The following ANAPC11 variants were observed in gnomAD, a reference collection of about 807,000 sequenced individuals.
ANAPC11 encodes the protein anaphase-promoting complex subunit 11.
A neutral mutation model predicts 11.8 loss-of-function variants in ANAPC11; 5 were observed. The ratio of observed to expected loss-of-function variants is 0.42; its 90% CI spans 0.22 to 0.89. ANAPC11 has a LOEUF of 0.89. Among genes scored for constraint, ANAPC11 ranks in the 40% least tolerant of loss-of-function variants. ANAPC11 has a pLI of 0.28. For synonymous variants in ANAPC11, 45 were observed against 41.0 expected, an observed-to-expected ratio of 1.10 and a Z score of -0.38; for missense variants, 68 against 112.9, an observed-to-expected ratio of 0.60 and a Z score of 1.80.
chr17:81,893,864 T>G (rs952274431), intron 2 of ANAPC11, among the ~76,000 whole-genome samples: 2 of 150,972 alleles, frequency 1.3e-5, no homozygotes, highest in Non-Finnish European at 2.9e-5. Flanking sequence ...CCCAGAGTGC[T>G]GGGATCACAG....
chr17:81,891,268 C>A, upstream of ANAPC11: 1 of 1,099,698 alleles, frequency 9.1e-7, no homozygotes, highest in South Asian at 3.8e-5. Context: ...CGGCCCCGGC[C>A]CCAGCCCCGG....
intron 3 of ANAPC11, 85 bp downstream of exon 3, chr17:81,894,671 G>C: frequency 1.4e-6 from 1 of 712,642 alleles, no homozygotes; most frequent in Non-Finnish European, 2.2e-6. Flanking sequence ...ACTAGCCTCA[G>C]TAGCTCCTGT....
chr17:81,897,009 A>C (rs139217829), intron 3 of ANAPC11, among the ~76,000 whole-genome samples: 13 of 149,450 alleles, frequency 8.7e-5, no homozygotes, highest in African/African-American at 3.2e-4. Context: ...TTATTTATTT[A>C]TTTATTTTCG....
chr17:81,897,516 C>T (rs1470328045), intron 3 of ANAPC11, among the ~76,000 whole-genome samples: 1 of 151,988 alleles, frequency 6.6e-6, no homozygotes, highest in Non-Finnish European at 1.5e-5. Context: ...TTGCTGTCAC[C>T]CAGGCGGCAG....
At chr17:81,897,404 G>C (rs986405002) in intron 3 of ANAPC11, among the ~76,000 whole-genome samples, 2 of 152,138 alleles carry the variant, frequency 1.3e-5, no homozygotes, top group Admixed American at 6.6e-5. Context: ...AAAGTACCAG[G>C]ATTACAGGTG....
intron 3 of ANAPC11, chr17:81,899,144 T>C: frequency 7.8e-7 from 1 of 1,286,584 alleles, no homozygotes; most frequent in Non-Finnish European, 1.1e-6. Context: ...TGTGCTCTGT[T>C]GGCAGCAGCT....
intron 1 of ANAPC11, among the ~76,000 whole-genome samples, chr17:81,892,307 C>T (rs1190841265): frequency 1.3e-5 from 2 of 150,856 alleles, no homozygotes; most frequent in Admixed American, 1.3e-4. Flanking sequence ...ACCCCCATCT[C>T]TAAAAAAAAA....
At chr17:81,891,564 G>A (rs534127714), upstream of ANAPC11, 8 of 1,439,564 alleles carry the variant, frequency 5.6e-6, no homozygotes, top group African/African-American at 4.5e-5. Flanking sequence ...GGCCATGGCG[G>A]GCGCGGAATC....
At chr17:81,900,322 A>T, downstream of ANAPC11, 2 of 512,880 alleles carry the variant, frequency 3.9e-6, no homozygotes, top group Admixed American at 3.8e-5. Flanking sequence ...TGATATGAAA[A>T]CTCTCATGAA....
rs538053280 is a variant in ANAPC11, at chr17:81,899,467, C to T, written c.110-453C>T. The T allele has an allele frequency of 6.8e-6, 11 of 1,614,032 alleles. No homozygotes were observed. The South Asian group carries it at 9.9e-5, about 14-fold the overall frequency. On this transcript the variant is annotated intron_variant, in intron 3 of 3. Coordinates refer to ENST00000344877, the MANE Select transcript of ANAPC11 (RefSeq NM_001002248.3). ...AGTTCACTACTCAGATGCACGTCTC[C>T]TTGGTGCCTTGACCATTCATGTGAC... is the stretch of plus-strand genomic sequence containing the variant.
upstream of ANAPC11, chr17:81,890,928 G>A: frequency 1.3e-6 from 2 of 1,512,088 alleles, no homozygotes; most frequent in South Asian, 2.5e-5. Context: ...AGAGGATCCG[G>A]CCGAAACGGG....
Position 81,894,408 on chromosome 17 carries a change from C to T in ANAPC11, c.-11-59C>T, listed in dbSNP as rs188450543. ...GGCAGGCTTATACCTGTGTTGGTGCCTAAACGTTCTAGCTCTGCAGACTCA... is the reference window on the plus strand; with the variant it reads ...GGCAGGCTTATACCTGTGTTGGTGCTTAAACGTTCTAGCTCTGCAGACTCA... On this transcript the variant is annotated intron_variant, in intron 2 of 3. Transcript: ENST00000344877. 5 of 1,042,334 alleles carry T rather than the reference C, an allele frequency of 4.8e-6. No individual in the cohort carries two copies. The Admixed American group carries it at 7.3e-5, about 15-fold the overall frequency. The allele number at this position is 1,042,334 out of a possible 1,614,324, so 64.6% of individuals were successfully genotyped here.
chr17:81,895,362 T>G (rs2039704913), intron 3 of ANAPC11, among the ~76,000 whole-genome samples: 1 of 152,180 alleles, frequency 6.6e-6, no homozygotes, highest in Non-Finnish European at 1.5e-5. Flanking sequence ...AACATTTTCA[T>G]TTTCATCTCA....
chr17:81,897,503 G>T (rs1452484313), intron 3 of ANAPC11, among the ~76,000 whole-genome samples: 2 of 151,820 alleles, frequency 1.3e-5, no homozygotes, highest in Non-Finnish European at 1.5e-5. Flanking sequence ...TTGAGACAGG[G>T]TCTTGCTGTC....
In ANAPC11 at chr17:81,891,807, A is replaced by T. The variant is rs2039541254; in HGVS notation, c.-109A>T. On this transcript the variant is annotated 5_prime_UTR_variant, in exon 1 of 4. Coordinates refer to ENST00000344877, the MANE Select transcript of ANAPC11 (RefSeq NM_001002248.3). ...GTCGTTTTTATACCTTCCCGCGCGG[A>T]CGCCGGCGCTGCCAACGGAAGGGCG... 2 of 235,538 alleles carry T rather than the reference A, an allele frequency of 8.5e-6. No individual in the cohort carries two copies. Among genetic ancestry groups the T allele is most frequent in the African/African-American group, 4.7e-5 (2 of 42,516 alleles). The allele number at this position is 235,538 out of a possible 1,614,324, so 14.6% of individuals were successfully genotyped here. A position where few individuals can be genotyped will look rare whatever the true frequency, so the allele number is the denominator to read the frequency against.
intron 3 of ANAPC11, among the ~76,000 whole-genome samples, chr17:81,895,431 C>T (rs2039707530): frequency 2.0e-5 from 3 of 152,198 alleles, no homozygotes; most frequent in African/African-American, 7.2e-5. Flanking sequence ...ATATAAAGAT[C>T]CTGTCACAGA....
At position 81,891,771 on chromosome 17, in the gene ANAPC11, C is replaced by T. The variant is rs925134656; in HGVS notation, c.-145C>T. The T allele has an allele frequency of 6.6e-5, 23 of 346,106 alleles. No homozygotes were observed. The East Asian group carries it at 1.4e-3, about 21-fold the overall frequency. The allele number at this position is 346,106 out of a possible 1,614,324, so 21.4% of individuals were successfully genotyped here. A position where few individuals can be genotyped will look rare whatever the true frequency, so the allele number is the denominator to read the frequency against. ...GGCGGGCGCTGTTGAGGGAGTCGGGCCGCGACTGTGGTCGTTTTTATACCT... is the reference window on the plus strand; with the variant it reads ...GGCGGGCGCTGTTGAGGGAGTCGGGTCGCGACTGTGGTCGTTTTTATACCT... On this transcript the variant is annotated 5_prime_UTR_variant, in exon 1 of 4. Transcript: ENST00000344877.
intron 1 of ANAPC11, among the ~76,000 whole-genome samples, chr17:81,892,705 T>C (rs1333777121): frequency 2.0e-5 from 3 of 151,656 alleles, no homozygotes; most frequent in African/African-American, 4.8e-5. Flanking sequence ...GTATTTTTAA[T>C]AGAGACAGGG....
chr17:81,897,074 C>T (rs1034025062), intron 3 of ANAPC11, among the ~76,000 whole-genome samples: 1 of 152,172 alleles, frequency 6.6e-6, no homozygotes. Context: ...GATCTTGGCT[C>T]ACTGCAACTT....
Sources: allele counts gnomAD v4.1 joint callset (sites outside exome capture counted in the v4.1 genomes callset), GRCh38; gene constraint gnomAD v4.1.1; transcripts MANE v1.5; gene names NCBI Gene and HGNC (gene_info 2026-07-23, HGNC 2026-07-21).